Variants in RABGEF1 observed in about 807,000 individuals in gnomAD.
RABGEF1 encodes rab5 GDP/GTP exchange factor.
In RABGEF1, 26 loss-of-function variants were observed where a neutral mutation model predicts 57.3. The observed-to-expected ratio is 0.45, with a 90% confidence interval of 0.33 to 0.63. The LOEUF (loss-of-function observed/expected upper bound fraction) is 0.63, where lower values mean the gene tolerates loss of function less well. Among genes scored for constraint, RABGEF1 ranks in the 20% least tolerant of loss-of-function variants. The probability of loss-of-function intolerance (pLI) is 0.02; values close to 1 mark genes in which losing one functional copy is unlikely to be tolerated. For synonymous variants in RABGEF1, 185 were observed against 210.7 expected, an observed-to-expected ratio of 0.88 and a Z score of 1.06; for missense variants, 464 against 607.6, an observed-to-expected ratio of 0.76 and a Z score of 2.48.
At chr7:66,800,582 CCCGCA>C (rs1787065344) in intron 7 of RABGEF1, among the ~76,000 whole-genome samples, 1 of 152,166 alleles carries the variant, frequency 6.6e-6, no homozygotes, top group Non-Finnish European at 1.5e-5. Flanking sequence ...TACTCTGCCC[CCCGCA>C]CCTTTTGCTC....
At chr7:66,795,925 G>A (rs1813920058) in intron 5 of RABGEF1, among the ~76,000 whole-genome samples, 1 of 152,196 alleles carries the variant, frequency 6.6e-6, no homozygotes, top group Non-Finnish European at 1.5e-5. Context: ...GATCACGTTA[G>A]GCCAGGAGTT....
Position 66,809,534 on chromosome 7 carries a change from C to T in RABGEF1, c.*250C>T. 1 of 362,898 alleles carries T rather than the reference C, an allele frequency of 2.8e-6. No individual in the cohort carries two copies. The highest frequency in any genetic ancestry group is 4.9e-6 in the Non-Finnish European group (1 of 204,362). The allele number at this position is 362,898 out of a possible 1,614,324, so 22.5% of individuals were successfully genotyped here. On this transcript the variant is annotated 3_prime_UTR_variant, in exon 9 of 9. Transcript: ENST00000284957. ...GCAAATTTTGTCTCAATCTTTTTTC[C>T]CTCCATGATTTTCCTATGTGCTTCC...
upstream of RABGEF1, among the ~76,000 whole-genome samples, chr7:66,737,476 C>T (rs1798135050): frequency 1.3e-5 from 2 of 151,842 alleles, no homozygotes; most frequent in African/African-American, 4.8e-5. Flanking sequence ...ATGGAGAGTA[C>T]CTTTAGATCC....
the RABGEF1 span, among the ~76,000 whole-genome samples, chr7:66,654,939 C>T: frequency 6.6e-6 from 1 of 152,254 alleles, no homozygotes; most frequent in Non-Finnish European, 1.5e-5. Flanking sequence ...CATTTCCCGG[C>T]CGCCTCCCTC....
upstream of RABGEF1, among the ~76,000 whole-genome samples, chr7:66,681,667 G>A (rs1180044498): frequency 1.3e-5 from 2 of 152,198 alleles, no homozygotes; most frequent in African/African-American, 4.8e-5. Context: ...GCCTCCTAAA[G>A]ATTCAGCTGC....
chr7:66,700,180 T>G, intron 1 of RABGEF1, among the ~76,000 whole-genome samples: 1 of 152,288 alleles, frequency 6.6e-6, no homozygotes, highest in Middle Eastern at 3.4e-3. Flanking sequence ...TGGTTCATTC[T>G]GGATCCAAGC....
the RABGEF1 span, chr7:66,669,262 C>T: frequency 2.6e-5 from 4 of 152,500 alleles, no homozygotes; most frequent in African/African-American, 7.2e-5. Flanking sequence ...GAAACCTCGG[C>T]AAAGACAAAG....
At chr7:66,710,848 C>T (rs565188448) in intron 1 of RABGEF1, among the ~76,000 whole-genome samples, 12 of 152,100 alleles carry the variant, frequency 7.9e-5, no homozygotes, top group Admixed American at 3.9e-4. Context: ...TACCTGTAAT[C>T]GCACCATTTT....
the RABGEF1 span, among the ~76,000 whole-genome samples, chr7:66,674,386 C>T: frequency 1.3e-5 from 2 of 152,134 alleles, no homozygotes; most frequent in East Asian, 3.9e-4. Flanking sequence ...TGGAGTTTCA[C>T]CGTTTTGGCT....
chr7:66,785,878 GGA>G (rs367740822), intron 4 of RABGEF1, among the ~76,000 whole-genome samples: 178 of 147,150 alleles, frequency 1.2e-3, no homozygotes, highest in Non-Finnish European at 1.8e-3. Flanking sequence ...CATCTGGGGG[GGA>G]AAAAAAAAAA....
Position 66,747,873 on chromosome 7 carries a change from T to A in RABGEF1, c.-18+7081T>A, listed in dbSNP as rs568053772. 3.9e-5 allele frequency among the ~76,000 whole-genome samples: 6 copies of A among 152,270 alleles called. No homozygotes were observed. In the East Asian group the frequency reaches 1.2e-3, roughly 29 times the overall value. On this transcript the variant is annotated intron_variant, in intron 1 of 8. Coordinates refer to ENST00000284957, the MANE Select transcript of RABGEF1 (RefSeq NM_014504.3). ...ATCTTGTTCCAGAAAGGGTTTGTAA[T>A]GACTTACAAAGATACGTGCGACATA...
intron 1 of RABGEF1, among the ~76,000 whole-genome samples, chr7:66,697,235 G>A (rs1305590592): frequency 6.6e-6 from 1 of 152,106 alleles, no homozygotes; most frequent in Non-Finnish European, 1.5e-5. Context: ...ACCCAGAGCC[G>A]ACCTCTCTGC....
intron 2 of RABGEF1, among the ~76,000 whole-genome samples, chr7:66,734,156 T>C (rs886116000): frequency 6.6e-6 from 1 of 152,214 alleles, no homozygotes; most frequent in Non-Finnish European, 1.5e-5. Context: ...TTTTGAAGAT[T>C]AGACGCATTG....
rs1292355216 is a variant in RABGEF1, at chr7:66,783,685, A to C, written c.357A>C (p.Glu119Asp). Residue 119 changes from glutamate (E) to aspartate (D), a missense_variant, in exon 4 of 9, where the codon GAA becomes GAC. Glu to Asp is a conservative substitution (Grantham distance 45). Transcript: ENST00000284957. ...SRVGSKKEIQ[E>D]AKAPSPSINR... ...TAATTTTCCCAGCAGAAATTCAGGA[A>C]GCAAAAGCTCCCAGTCCTTCCATAA... 3 of 1,597,616 alleles carry C rather than the reference A, an allele frequency of 1.9e-6. No individual in the cohort carries two copies. Among genetic ancestry groups the C allele is most frequent in the Non-Finnish European group, 2.6e-6 (3 of 1,172,538 alleles).
the RABGEF1 span, among the ~76,000 whole-genome samples, chr7:66,667,997 C>T: frequency 6.6e-6 from 1 of 152,148 alleles, no homozygotes; most frequent in African/African-American, 2.4e-5. Flanking sequence ...AGGGTTTCAC[C>T]ATGTTGGGAA....
chr7:66,779,670 T>TAAA (rs373692116), intron 3 of RABGEF1, among the ~76,000 whole-genome samples: 3 of 124,164 alleles, frequency 2.4e-5, no homozygotes, highest in African/African-American at 9.0e-5. Context: ...AGACCCTGAT[T>TAAA]AAAAAAAAAA....
chr7:66,681,932 T>G (rs953506549), upstream of RABGEF1, among the ~76,000 whole-genome samples: 1 of 152,122 alleles, frequency 6.6e-6, no homozygotes, highest in African/African-American at 2.4e-5. Flanking sequence ...TCTCCGGGGC[T>G]CCCCAGCGCC....
intron 3 of RABGEF1, among the ~76,000 whole-genome samples, chr7:66,779,605 G>A (rs1389713475): frequency 6.6e-6 from 1 of 151,574 alleles, no homozygotes; most frequent in Non-Finnish European, 1.5e-5. Flanking sequence ...CTGGGAGGTT[G>A]AGGCTGCAAT....
chr7:66,763,746 T>G lies in RABGEF1; in HGVS notation c.-17-8137T>G, dbSNP rs116141760. Among the ~76,000 whole-genome samples, 320 of 152,354 alleles carry G rather than the reference T, an allele frequency of 2.1e-3. 3 individuals carry two copies. Among genetic ancestry groups the G allele is most frequent in the African/African-American group, 7.5e-3 (311 of 41,576 alleles). ...GAATGGAATCATATAATGTGTGGTG[T>G]TCTATAACTGGCATCTCTCACTTAG... is the stretch of plus-strand genomic sequence containing the variant. On this transcript the variant is annotated intron_variant, in intron 1 of 8. Transcript: ENST00000284957.
Sources: allele counts gnomAD v4.1 joint callset (sites outside exome capture counted in the v4.1 genomes callset), GRCh38; gene constraint gnomAD v4.1.1; transcripts MANE v1.5; gene names NCBI Gene and HGNC (gene_info 2026-07-23, HGNC 2026-07-21).